ARHGAP22: variants seen among roughly 807,000 people sequenced by gnomAD.
The protein encoded by ARHGAP22 is rho GTPase-activating protein 22.
Under a neutral mutation model 59.1 loss-of-function variants are expected in ARHGAP22, and 48 were observed. The observed-to-expected ratio is 0.81, with a 90% CI of 0.64 to 1.03. The LOEUF (loss-of-function observed/expected upper bound fraction) is 1.03. Among genes scored for constraint, ARHGAP22 ranks in the 50% least tolerant of loss-of-function variants. ARHGAP22 has a pLI of 0.00. For synonymous variants in ARHGAP22, 445 were observed against 416.4 expected (o/e 1.07, Z -0.84); for missense variants, 1,015 against 958.7 (o/e 1.06, Z -0.78).
intron 3 of ARHGAP22, among the ~76,000 whole-genome samples, chr10:48,482,486 C>T (rs1196027160): frequency 6.6e-6 from 1 of 152,164 alleles, no homozygotes; most frequent in Non-Finnish European, 1.5e-5. Flanking sequence ...CCTCAAATAC[C>T]ATGTTGAATA....
rs529285819 is a variant in ARHGAP22 at position 48,642,570 on chromosome 10, C to T, written c.52+9664G>A. On this transcript the variant is annotated intron_variant, in intron 1 of 9. Coordinates refer to the ARHGAP22 transcript ENST00000435790. ...CTGAAACTGGATCCCTTCCTTACAC[C>T]TTATATAAAAATTAATTCAAGATGG... Among the ~76,000 whole-genome samples the T allele has an allele frequency of 2.2e-3, 330 of 152,270 alleles. 2 individuals carry two copies. Among genetic ancestry groups the T allele is most frequent in the Non-Finnish European group, 3.9e-3 (266 of 68,008 alleles).
chr10:48,469,071 G>T (rs2047987446), intron 4 of ARHGAP22, among the ~76,000 whole-genome samples: 1 of 152,220 alleles, frequency 6.6e-6, no homozygotes, highest in South Asian at 2.1e-4. Flanking sequence ...CTCTCAGGTG[G>T]GCAGGCAGGG....
chr10:48,614,723 T>C (rs1174923361), intron 1 of ARHGAP22, among the ~76,000 whole-genome samples: 1 of 152,210 alleles, frequency 6.6e-6, no homozygotes, highest in Non-Finnish European at 1.5e-5. Context: ...TTTGTTGCAA[T>C]TTAACTTACC....
intron 1 of ARHGAP22, among the ~76,000 whole-genome samples, chr10:48,629,744 G>A (rs1196574169): frequency 2.0e-5 from 3 of 152,164 alleles, no homozygotes; most frequent in East Asian, 1.9e-4. Flanking sequence ...TAGCTTGCTA[G>A]GATTTTGATT....
At chr10:48,624,130 G>A (rs2061369588) in intron 1 of ARHGAP22, 1 of 152,312 alleles carries the variant, frequency 6.6e-6, no homozygotes, top group South Asian at 2.1e-4. Context: ...GGCAAGGATT[G>A]TTGAGATCAT....
upstream of ARHGAP22, chr10:48,605,239 C>T (rs773537649): frequency 2.3e-6 from 2 of 871,610 alleles, no homozygotes; most frequent in Non-Finnish European, 2.8e-6. Flanking sequence ...TTTGCTGAGG[C>T]TGGAAGAAAT....
At chr10:48,610,261 T>C (rs2060831598) in intron 1 of ARHGAP22, among the ~76,000 whole-genome samples, 1 of 152,182 alleles carries the variant, frequency 6.6e-6, no homozygotes, top group Non-Finnish European at 1.5e-5. Flanking sequence ...GGGGTCTTTG[T>C]TGTCTTGGGA....
the ARHGAP22 span, chr10:48,430,812 T>C: frequency 4.6e-6 from 1 of 219,422 alleles, no homozygotes; most frequent in Non-Finnish European, 8.8e-6. Flanking sequence ...GCCCAGGAAA[T>C]GGAAGTCAGT....
At chr10:48,648,782 G>A (rs11101412) in intron 1 of ARHGAP22, among the ~76,000 whole-genome samples, 27,606 of 152,186 alleles carry the variant, frequency 0.18, 2,877 homozygotes, top group East Asian at 0.27. Flanking sequence ...CGGGGTGGGG[G>A]AGCGTGGGGT....
intron 3 of ARHGAP22, among the ~76,000 whole-genome samples, chr10:48,524,507 G>T (rs995377445): frequency 4.3e-4 from 66 of 152,114 alleles, no homozygotes; most frequent in African/African-American, 1.5e-3. Flanking sequence ...GCCTCCCTGG[G>T]AGCCAAGCAG....
At chr10:48,648,185 A>G (rs1339225474) in intron 1 of ARHGAP22, among the ~76,000 whole-genome samples, 1 of 152,204 alleles carries the variant, frequency 6.6e-6, no homozygotes, top group Non-Finnish European at 1.5e-5. Flanking sequence ...ATTTTATTGC[A>G]TGTAACTTAC....
intron 3 of ARHGAP22, among the ~76,000 whole-genome samples, chr10:48,520,000 G>A (rs1293076880): frequency 1.3e-5 from 2 of 152,348 alleles, no homozygotes; most frequent in East Asian, 1.9e-4. Context: ...CCATCAAGGC[G>A]ATAAGTCGAG....
chr10:48,608,676 C>A (rs1012244329), upstream of ARHGAP22, among the ~76,000 whole-genome samples: 1 of 152,192 alleles, frequency 6.6e-6, no homozygotes, highest in Non-Finnish European at 1.5e-5. Flanking sequence ...TCTTCATGGG[C>A]AGCTCCCACC....
intron 1 of ARHGAP22, among the ~76,000 whole-genome samples, chr10:48,612,575 C>A (rs1344765237): frequency 6.6e-6 from 1 of 152,254 alleles, no homozygotes; most frequent in African/African-American, 2.4e-5. Context: ...GCTCTTCCTG[C>A]AAGAAGACTA....
intron 1 of ARHGAP22, among the ~76,000 whole-genome samples, chr10:48,600,670 C>T (rs1282489130): frequency 2.0e-5 from 3 of 152,160 alleles, no homozygotes; most frequent in African/African-American, 7.2e-5. Flanking sequence ...GGACCCTTTG[C>T]TGATCTGAGG....
chr10:48,435,055 G>GT, the ARHGAP22 span: 3 of 1,375,554 alleles, frequency 2.2e-6, no homozygotes, highest in Non-Finnish European at 3.0e-6. Flanking sequence ...GGGGGTGGGA[G>GT]GGATGGGGAG....
chr10:48,517,827 T>A (rs2134664838), intron 3 of ARHGAP22, among the ~76,000 whole-genome samples: 1 of 152,308 alleles, frequency 6.6e-6, no homozygotes, highest in East Asian at 1.9e-4. Flanking sequence ...AAGCCACCAG[T>A]GACCTAGAGA....
At chr10:48,654,802 CTTTCTTTCTTTCTTTCTTT>C (rs1565068647), upstream of ARHGAP22, among the ~76,000 whole-genome samples, 56 of 141,462 alleles carry the variant, frequency 4.0e-4, no homozygotes, top group Admixed American at 2.6e-3. Context: ...TTCTTTCTTT[CTTTCTTTCTTTCTTTCTTT>C]CTTTCTTCCT....
chr10:48,653,765 C>T (rs1260701411), upstream of ARHGAP22, among the ~76,000 whole-genome samples: 1 of 152,200 alleles, frequency 6.6e-6, no homozygotes, highest in East Asian at 1.9e-4. Context: ...ACCTGGTGTA[C>T]AGGGGGCTTT....
Sources: gnomAD v4.1 joint callset for allele counts (sites outside exome capture counted in the v4.1 genomes callset) on GRCh38, gnomAD v4.1.1 for gene constraint, MANE v1.5 for transcripts, NCBI Gene and HGNC (gene_info 2026-07-23, HGNC 2026-07-21) for gene names.